Variants in ZNF69 observed in about 807,000 individuals in gnomAD.
ZNF69 encodes zinc finger protein 69.
In ZNF69, 47 loss-of-function variants were observed where a neutral mutation model predicts 50.9. The observed-to-expected ratio is 0.92, with a 90% CI of 0.73 to 1.18. The LOEUF is 1.18. ZNF69 is among the 50% of genes most tolerant of loss of function. ZNF69 has a pLI of 0.00. For synonymous variants in ZNF69, 216 were observed against 223.1 expected (o/e 0.97, Z 0.29); for missense variants, 717 against 675.1 (o/e 1.06, Z -0.69).
downstream of ZNF69, among the ~76,000 whole-genome samples, chr19:11,910,904 A>G (rs1475090725): frequency 6.6e-6 from 1 of 152,174 alleles, no homozygotes; most frequent in African/African-American, 2.4e-5. Flanking sequence ...AATGGGAGAA[A>G]ATTTTTACAA....
At chr19:11,966,292 A>C in the ZNF69 span, among the ~76,000 whole-genome samples, 3 of 152,214 alleles carry the variant, frequency 2.0e-5, no homozygotes, top group African/African-American at 4.8e-5. Flanking sequence ...CCTGTCATAC[A>C]GAGGCACTCA....
the ZNF69 span, among the ~76,000 whole-genome samples, chr19:11,941,664 G>A: frequency 4.6e-5 from 7 of 152,178 alleles, no homozygotes; most frequent in South Asian, 8.3e-4. Flanking sequence ...CCCAGTTCCC[G>A]CTCGCGCCTC....
intron 1 of ZNF69, among the ~76,000 whole-genome samples, chr19:11,897,500 A>G (rs1972149729): frequency 2.0e-5 from 3 of 149,800 alleles, no homozygotes; most frequent in Admixed American, 6.6e-5. Context: ...TGTTGAGCCT[A>G]AGAGTTCGAG....
At chr19:11,963,074 T>TGAGAGAGAGAGAGAGAGA in the ZNF69 span, among the ~76,000 whole-genome samples, 67 of 134,440 alleles carry the variant, frequency 5.0e-4, 1 homozygote, top group South Asian at 3.1e-3. Context: ...GGTAGTTTGG[T>TGAGAGAGAGAGAGAGAGA]GAGAGAGAGA....
chr19:11,941,252 G>A, the ZNF69 span, among the ~76,000 whole-genome samples: 1 of 152,268 alleles, frequency 6.6e-6, no homozygotes. Context: ...TCCTGCACCA[G>A]GGCTGCAGGT....
Position 11,905,705 on chromosome 19 carries a change from G to A in ZNF69, c.1308G>A (p.Arg436=), listed in dbSNP as rs546233873. ...RSSSHLQLHG[R]THTGEKPYEC... ...CCTCACACCTTCAATTGCATGGTAGGACTCACACTGGAGAGAAGCCCTATG... is the reference window on the plus strand; with the variant it reads ...CCTCACACCTTCAATTGCATGGTAGAACTCACACTGGAGAGAAGCCCTATG... Residue 436 remains arginine, a synonymous_variant, in exon 4 of 4, where the codon AGG becomes AGA. Transcript: ENST00000429654. The A allele has an allele frequency of 5.6e-6, 9 of 1,613,196 alleles. No individual in the cohort carries two copies. Among genetic ancestry groups the A allele is most frequent in the Non-Finnish European group, 7.6e-6 (9 of 1,179,828 alleles).
the ZNF69 span, among the ~76,000 whole-genome samples, chr19:11,928,180 C>G: frequency 6.6e-6 from 1 of 152,010 alleles, no homozygotes; most frequent in East Asian, 1.9e-4. Context: ...GAGGTTAGGT[C>G]TCGTTATGTT....
chr19:11,934,771 C>T, the ZNF69 span, among the ~76,000 whole-genome samples: 1 of 148,204 alleles, frequency 6.7e-6, no homozygotes, highest in East Asian at 2.0e-4. Flanking sequence ...AGGTCATCCA[C>T]CTGCCTCGGC....
downstream of ZNF69, among the ~76,000 whole-genome samples, chr19:11,907,343 G>A (rs533618966): frequency 3.5e-4 from 54 of 152,278 alleles, no homozygotes; most frequent in Non-Finnish European, 6.3e-4. Context: ...GATACTCCTC[G>A]AGAGGAGCAA....
At chr19:11,962,555 C>T in the ZNF69 span, among the ~76,000 whole-genome samples, 1 of 152,134 alleles carries the variant, frequency 6.6e-6, no homozygotes, top group East Asian at 1.9e-4. Flanking sequence ...CATATGGAGT[C>T]TCACTATATT....
At chr19:11,942,614 TC>T in the ZNF69 span, among the ~76,000 whole-genome samples, 1 of 152,164 alleles carries the variant, frequency 6.6e-6, no homozygotes, top group Non-Finnish European at 1.5e-5. Flanking sequence ...TACACAGGGA[TC>T]CACATGAAAG....
chr19:11,937,398 G>A, the ZNF69 span, among the ~76,000 whole-genome samples: 3 of 151,892 alleles, frequency 2.0e-5, no homozygotes, highest in Non-Finnish European at 2.9e-5. Flanking sequence ...GGCTGGTCTC[G>A]AACTGCTGGG....
chr19:11,891,599 C>T (rs113656532), intron 1 of ZNF69, among the ~76,000 whole-genome samples: 5,013 of 152,202 alleles, frequency 0.033, 197 homozygotes, highest in African/African-American at 0.089. Context: ...GGGCTGACAG[C>T]ATCACAAAAT....
chr19:11,976,055 C>A, the ZNF69 span, among the ~76,000 whole-genome samples: 1 of 146,534 alleles, frequency 6.8e-6, no homozygotes, highest in African/African-American at 2.6e-5. Context: ...CTCTCTGCTT[C>A]TATCTAGCAT....
chr19:11,912,321 A>G (rs1475633352), intron 4 of ZNF69, among the ~76,000 whole-genome samples: 3 of 152,194 alleles, frequency 2.0e-5, no homozygotes, highest in African/African-American at 7.2e-5. Context: ...ACCTGCCAAG[A>G]TCCTTTGAAT....
chr19:11,980,078 T>C, the ZNF69 span: 3 of 1,052,130 alleles, frequency 2.9e-6, no homozygotes, highest in Non-Finnish European at 2.9e-6. Context: ...GTGTAAGCAA[T>C]GTGGAAAAAC....
downstream of ZNF69, among the ~76,000 whole-genome samples, chr19:11,919,097 G>A (rs279229): frequency 1.3e-5 from 2 of 151,782 alleles, no homozygotes; most frequent in Non-Finnish European, 2.9e-5. Flanking sequence ...GGGTTTCATC[G>A]TGTTAGCCAG....
At chr19:11,946,860 C>T in the ZNF69 span, 49 of 266,368 alleles carry the variant, frequency 1.8e-4, no homozygotes, top group East Asian at 1.2e-3. Flanking sequence ...GTCACTCACG[C>T]GTGGTGGTAC....
At chr19:11,903,124 G>C (rs531986766) in intron 1 of ZNF69, among the ~76,000 whole-genome samples, 1 of 151,862 alleles carries the variant, frequency 6.6e-6, no homozygotes, top group Non-Finnish European at 1.5e-5. Flanking sequence ...GTAACAGAAC[G>C]AGACGCTGTC....
Sources: gnomAD v4.1 joint callset for allele counts (sites outside exome capture counted in the v4.1 genomes callset) on GRCh38, gnomAD v4.1.1 for gene constraint, MANE v1.5 for transcripts, NCBI Gene and HGNC (gene_info 2026-07-23, HGNC 2026-07-21) for gene names.